Variants in PTPRD observed in about 807,000 individuals in gnomAD.
The protein encoded by PTPRD is receptor-type tyrosine-protein phosphatase delta.
A neutral mutation model predicts 214.5 loss-of-function variants in PTPRD; 34 were observed. The ratio of observed to expected loss-of-function variants is 0.16; its 90% CI spans 0.12 to 0.21. The LOEUF (loss-of-function observed/expected upper bound fraction) is 0.21, where lower values mean the gene tolerates loss of function less well. PTPRD is among the 10% of genes least tolerant of loss of function. The pLI, the probability that PTPRD is intolerant of heterozygous loss-of-function variation, is 1.00. For synonymous variants in PTPRD, 1,128 were observed against 845.7 expected (o/e 1.33, Z -5.79); for missense variants, 2,545 against 2,398.7 (o/e 1.06, Z -1.27).
chr9:9,321,663 G>C (rs1005182864), intron 9 of PTPRD, among the ~76,000 whole-genome samples: 4 of 151,966 alleles, frequency 2.6e-5, no homozygotes, highest in African/African-American at 9.7e-5. Context: ...TAGCTTCAGA[G>C]ATTGACCATT....
intron 2 of PTPRD, among the ~76,000 whole-genome samples, chr9:10,381,978 T>G (rs1025020783): frequency 4.6e-5 from 7 of 151,964 alleles, no homozygotes; most frequent in Non-Finnish European, 8.8e-5. Context: ...TAACAGAGAA[T>G]AGTTCTACCA....
chr9:10,276,243 AGTTTT>A (rs1467468812), intron 3 of PTPRD, among the ~76,000 whole-genome samples: 2 of 152,206 alleles, frequency 1.3e-5, no homozygotes, highest in Non-Finnish European at 2.9e-5. Flanking sequence ...TTGCATATTT[AGTTTT>A]ATTTGGGAAA....
intron 33 of PTPRD, among the ~76,000 whole-genome samples, chr9:8,451,170 C>G (rs1303028137): frequency 1.3e-5 from 2 of 152,262 alleles, no homozygotes; most frequent in South Asian, 4.2e-4. Context: ...AGGGGACGTG[C>G]ACATGATTTG....
intron 7 of PTPRD, among the ~76,000 whole-genome samples, chr9:9,671,925 A>G (rs764654111): frequency 1.3e-5 from 2 of 152,204 alleles, no homozygotes; most frequent in Non-Finnish European, 2.9e-5. Context: ...ATAAACATCC[A>G]AACCAAAGAA....
chr9:8,792,691 T>A (rs72702350), intron 11 of PTPRD, among the ~76,000 whole-genome samples: 183 of 152,272 alleles, frequency 1.2e-3, no homozygotes, highest in Non-Finnish European at 2.2e-3. Flanking sequence ...AGCACACATT[T>A]TGTGAGCAAT....
chr9:10,016,659 G>T (rs1260834423), intron 4 of PTPRD, among the ~76,000 whole-genome samples: 3 of 143,938 alleles, frequency 2.1e-5, no homozygotes, highest in Non-Finnish European at 4.6e-5. Context: ...TACTGAAAAT[G>T]CCTCCTGTGG....
At chr9:8,553,710 T>G (rs2082811963) in intron 14 of PTPRD, among the ~76,000 whole-genome samples, 1 of 152,184 alleles carries the variant, frequency 6.6e-6, no homozygotes, top group South Asian at 2.1e-4. Flanking sequence ...TATGTTCTCT[T>G]TTTCTAACCA....
intron 14 of PTPRD, among the ~76,000 whole-genome samples, chr9:8,581,575 C>T (rs113583783): frequency 6.6e-6 from 1 of 151,218 alleles, no homozygotes; most frequent in East Asian, 2.0e-4. Flanking sequence ...AGTGAAACCC[C>T]ATCTCTACTA....
chr9:9,738,080 C>T (rs1427535967), intron 6 of PTPRD, among the ~76,000 whole-genome samples: 1 of 150,746 alleles, frequency 6.6e-6, no homozygotes, highest in Non-Finnish European at 1.5e-5. Flanking sequence ...GGAAGGGGAA[C>T]ATCACACACC....
intron 3 of PTPRD, among the ~76,000 whole-genome samples, chr9:10,035,630 C>G (rs757396604): frequency 3.3e-5 from 5 of 151,946 alleles, no homozygotes; most frequent in Non-Finnish European, 7.4e-5. Context: ...GACGCTTGGT[C>G]TACCTCTCCA....
chr9:9,017,723 G>C (rs2099542269), intron 11 of PTPRD, among the ~76,000 whole-genome samples: 1 of 152,026 alleles, frequency 6.6e-6, no homozygotes, highest in Non-Finnish European at 1.5e-5. Flanking sequence ...ATGATGACTA[G>C]AATTTTTTTC....
chr9:9,362,756 C>G (rs2056636778), intron 9 of PTPRD, among the ~76,000 whole-genome samples: 1 of 151,170 alleles, frequency 6.6e-6, no homozygotes, highest in South Asian at 2.1e-4. Context: ...CTAGGATTTC[C>G]TTGATAGAAT....
At chr9:8,414,196 T>C (rs1290288770) in intron 35 of PTPRD, among the ~76,000 whole-genome samples, 2 of 148,442 alleles carry the variant, frequency 1.3e-5, no homozygotes, top group Non-Finnish European at 1.5e-5. Flanking sequence ...ACCAGAGATA[T>C]AAAAAAAAAA....
At chr9:8,462,593 A>G (rs1327598286) in intron 32 of PTPRD, among the ~76,000 whole-genome samples, 1 of 151,898 alleles carries the variant, frequency 6.6e-6, no homozygotes. Context: ...ACTACTCCCT[A>G]AAGGCTCTAT....
At position 9,589,585 on chromosome 9, in the gene PTPRD, A is replaced by C. The variant is rs138464723; in HGVS notation, c.-286-14804T>G. 5.3e-5 allele frequency among the ~76,000 whole-genome samples: 8 copies of C among 152,180 alleles called. No individual in the cohort carries two copies. The East Asian group carries it at 1.6e-3, about 29-fold the overall frequency. Reference sequence around the variant, plus strand: ...CCAGTGATATTTCAAAATGTTTAACAGCATTAGATAACTTTTGCAGTAATT... The same window carrying C: ...CCAGTGATATTTCAAAATGTTTAACCGCATTAGATAACTTTTGCAGTAATT... On this transcript the variant is annotated intron_variant, in intron 7 of 45. Transcript: ENST00000381196.
At chr9:9,483,012 G>T (rs146725115) in intron 8 of PTPRD, among the ~76,000 whole-genome samples, 1 of 152,186 alleles carries the variant, frequency 6.6e-6, no homozygotes, top group Admixed American at 6.5e-5. Flanking sequence ...CCATCTTAAT[G>T]AAATCATTTT....
chr9:9,987,631 CTAAAG>C (rs1461275694), intron 4 of PTPRD, among the ~76,000 whole-genome samples: 3 of 152,054 alleles, frequency 2.0e-5, no homozygotes, highest in Non-Finnish European at 4.4e-5. Context: ...ATATCTAATG[CTAAAG>C]TAATTATACC....
Position 9,665,911 on chromosome 9 carries a change from G to T in PTPRD, c.-287+68622C>A, listed in dbSNP as rs541999203. On this transcript the variant is annotated intron_variant, in intron 7 of 45. Transcript: ENST00000381196. ...ATATTTCAAATGTTTATTTTTTACT[G>T]GTTTGAATAACCAAAGAATGTATAT... Among the ~76,000 whole-genome samples the T allele has an allele frequency of 2.5e-3, 384 of 151,794 alleles. 2 individuals are homozygous for T. Among genetic ancestry groups the T allele is most frequent in the African/African-American group, 8.7e-3 (360 of 41,472 alleles).
intron 12 of PTPRD, among the ~76,000 whole-genome samples, chr9:8,658,128 G>A (rs1484465796): frequency 1.3e-5 from 2 of 152,140 alleles, no homozygotes; most frequent in African/African-American, 2.4e-5. Context: ...ATTCTTTTCA[G>A]CTTATTTGGA....
Sources: allele counts gnomAD v4.1 joint callset (sites outside exome capture counted in the v4.1 genomes callset), GRCh38; gene constraint gnomAD v4.1.1; transcripts MANE v1.5; gene names NCBI Gene and HGNC (gene_info 2026-07-23, HGNC 2026-07-21).